Variants in ATP1A1 observed in about 807,000 individuals in gnomAD.
ATP1A1 encodes sodium/potassium-transporting ATPase subunit alpha-1.
Under a neutral mutation model 114.8 loss-of-function variants are expected in ATP1A1, and 14 were observed. The observed-to-expected ratio is 0.12, with a 90% CI of 0.08 to 0.19. The LOEUF (loss-of-function observed/expected upper bound fraction) is 0.19. ATP1A1 is among the 10% of genes least tolerant of loss of function. The pLI, the probability that ATP1A1 is intolerant of heterozygous loss-of-function variation, is 1.00. For synonymous variants in ATP1A1, 471 were observed against 466.3 expected, an observed-to-expected ratio of 1.01 and a Z score of -0.13; for missense variants, 524 against 1,290.7, an observed-to-expected ratio of 0.41 and a Z score of 9.10.
At chr1:116,386,781 A>G (rs1652126087) in intron 3 of ATP1A1, among the ~76,000 whole-genome samples, 1 of 152,206 alleles carries the variant, frequency 6.6e-6, no homozygotes, top group Non-Finnish European at 1.5e-5. Context: ...CAGACAAGCA[A>G]AGAATCAAGC....
In ATP1A1 at chr1:116,384,148, A is replaced by G; in HGVS notation, c.123+24A>G. On this transcript the variant is annotated intron_variant, in intron 2 of 22. Transcript: ENST00000295598. The surrounding 1 kb of genome is among the most constrained non-coding windows in gnomAD (Gnocchi z 5.1). Reference sequence around the variant, plus strand: ...TGGTAAGTACTAGGAGGAATATTGTATTCCATCCTTATTAAAAATCCATGA... The same window carrying G: ...TGGTAAGTACTAGGAGGAATATTGTGTTCCATCCTTATTAAAAATCCATGA... 1.3e-6 allele frequency: 2 copies of G among 1,577,796 alleles called. No individual in the cohort carries two copies. Among genetic ancestry groups the G allele is most frequent in the Non-Finnish European group, 1.7e-6 (2 of 1,148,990 alleles).
intron 9 of ATP1A1, 82 bp downstream of exon 9, chr1:116,390,493 CTTTT>C: frequency 1.1e-6 from 1 of 871,020 alleles, no homozygotes; most frequent in Non-Finnish European, 1.6e-6. Flanking sequence ...CATGAAATTT[CTTTT>C]TTTTTTTTAA....
In ATP1A1 at chr1:116,381,317, C is replaced by T. The variant is rs1036356518; in HGVS notation, c.13-2697C>T. On this transcript the variant is annotated intron_variant, in intron 1 of 22. Coordinates refer to ENST00000295598, the MANE Select transcript of ATP1A1 (RefSeq NM_000701.8). This position sits in a 1 kb window ranked among gnomAD's most constrained non-coding sequence, Gnocchi z 5.1. ...ATCTCACGCAGTGTGCACTCCCTGA[C>T]TCTGAATTTTGCAGCTTTGAGACTG... Among the ~76,000 whole-genome samples, 2 of 152,190 alleles carry T rather than the reference C, an allele frequency of 1.3e-5. No individual in the cohort carries two copies. The highest frequency in any genetic ancestry group is 4.8e-5 in the African/African-American group (2 of 41,440).
In ATP1A1 at chr1:116,385,822, T is replaced by C. The variant is rs1652038944; in HGVS notation, c.183+980T>C. The C allele has an allele frequency of 1.3e-5, 2 of 152,084 alleles. No homozygotes were observed. The highest frequency in any genetic ancestry group is 2.9e-5 in the Non-Finnish European group (2 of 68,022). 9.4% of individuals were successfully genotyped at this position (152,084 alleles called of 1,614,324 possible). On this transcript the variant is annotated intron_variant, in intron 3 of 22. Transcript: ENST00000295598. This position sits in a 1 kb window ranked among gnomAD's most constrained non-coding sequence, Gnocchi z 4.3. ...CAGAAGTCATCTTCTGTGTTGATTG[T>C]TGGGGTGTAAGAGTAGAGAAGAGGC... is the stretch of plus-strand genomic sequence containing the variant.
rs1486330627 is a variant in ATP1A1, at chr1:116,384,530, T to A, written c.124-253T>A. ...ATCCCTGAGAGCTGCTGGGTTTCTCTGAAGTGTTATGGCAAATAGTAATGG... is the reference window on the plus strand; with the variant it reads ...ATCCCTGAGAGCTGCTGGGTTTCTCAGAAGTGTTATGGCAAATAGTAATGG... On this transcript the variant is annotated intron_variant, in intron 2 of 22. Coordinates refer to ENST00000295598, the MANE Select transcript of ATP1A1 (RefSeq NM_000701.8). The surrounding 1 kb of genome is among the most constrained non-coding windows in gnomAD (Gnocchi z 5.1). Among the ~76,000 whole-genome samples, 2 of 152,184 alleles carry A rather than the reference T, an allele frequency of 1.3e-5. No individual in the cohort carries two copies. The highest frequency in any genetic ancestry group is 2.9e-5 in the Non-Finnish European group (2 of 68,020).
Position 116,389,470 on chromosome 1 carries a change from G to C in ATP1A1, c.786G>C (p.Gly262=), listed in dbSNP as rs564117347. Residue 262 remains glycine (G), a synonymous_variant, in exon 8 of 23, where the codon GGG becomes GGC. Coordinates refer to ENST00000295598, the MANE Select transcript of ATP1A1 (RefSeq NM_000701.8). This position sits in a 1 kb window ranked among gnomAD's most constrained non-coding sequence, Gnocchi z 6.9. ...CACGTGGTATTGTTGTCTACACTGG[G>C]GATCGCACTGTGATGGGAAGAATTG... ...GTARGIVVYT[G]DRTVMGRIAT... The C allele has an allele frequency of 6.2e-7, 1 of 1,614,170 alleles. No individual in the cohort carries two copies. Among genetic ancestry groups the C allele is most frequent in the African/African-American group, 1.3e-5 (1 of 75,030 alleles).
intron 1 of ATP1A1, among the ~76,000 whole-genome samples, chr1:116,379,189 G>T (rs1364295123): frequency 2.0e-5 from 3 of 152,202 alleles, no homozygotes; most frequent in Admixed American, 6.5e-5. Flanking sequence ...GGAACCTGCT[G>T]GCTAGAACTG....
intron 10 of ATP1A1, chr1:116,392,290 A>G (rs1026082486): frequency 2.6e-5 from 4 of 152,286 alleles, no homozygotes; most frequent in Non-Finnish European, 5.9e-5. Flanking sequence ...AATAGCTTTC[A>G]GTTCACATCC....
In ATP1A1 at chr1:116,395,364, C is replaced by A. The variant is rs1238542839; in HGVS notation, c.1836+79C>A. 2 of 1,475,170 alleles carry A rather than the reference C, an allele frequency of 1.4e-6. No homozygotes were observed. Among genetic ancestry groups the A allele is most frequent in the South Asian group, 1.3e-5 (1 of 76,796 alleles). 91.4% of individuals were successfully genotyped at this position (1,475,170 alleles called of 1,614,324 possible). ...CTCAGTGAATGTTGCCTTTTGAGGT[C>A]CAGATGGCCAGCTGTTCTATCTCAC... On this transcript the variant is annotated intron_variant, in intron 13 of 22. Coordinates refer to ENST00000295598, the MANE Select transcript of ATP1A1 (RefSeq NM_000701.8). This position sits in a 1 kb window ranked among gnomAD's most constrained non-coding sequence, Gnocchi z 6.4.
At position 116,398,814 on chromosome 1, in the gene ATP1A1, C is replaced by T. The variant is rs1202207407; in HGVS notation, c.2293+25C>T. On this transcript the variant is annotated intron_variant, in intron 16 of 22. Coordinates refer to ENST00000295598, the MANE Select transcript of ATP1A1 (RefSeq NM_000701.8). The surrounding 1 kb of genome is among the most constrained non-coding windows in gnomAD (Gnocchi z 6.1). ...GGTGAGAGCTATTTAAGGTGTACAC[C>T]AAGATCTTATTCAGATACTGCCCAT... The T allele has an allele frequency of 1.9e-6, 3 of 1,612,282 alleles. No homozygotes were observed. The highest frequency in any genetic ancestry group is 2.5e-6 in the Non-Finnish European group (3 of 1,178,608).
intron 1 of ATP1A1, chr1:116,374,270 C>T: frequency 1.3e-6 from 2 of 1,551,728 alleles, no homozygotes; most frequent in Non-Finnish European, 1.7e-6. Context: ...TCTTGGGCCA[C>T]TTTCCGTAAA....
chr1:116,375,012 C>T (rs936014520), intron 1 of ATP1A1, among the ~76,000 whole-genome samples: 2 of 152,224 alleles, frequency 1.3e-5, no homozygotes, highest in Non-Finnish European at 2.9e-5. Context: ...TACAGGGCCT[C>T]TCCATTCCCC....
At chr1:116,379,694 A>G (rs575138214) in intron 1 of ATP1A1, among the ~76,000 whole-genome samples, 17 of 152,354 alleles carry the variant, frequency 1.1e-4, no homozygotes, top group South Asian at 2.1e-4. Flanking sequence ...GCAGTAATGT[A>G]TATGTTAATT....
chr1:116,384,187 A>G lies in ATP1A1; in HGVS notation c.123+63A>G. ...AAAAATCCATGATTTTTAATCCCCC[A>G]GGCCTCACTGTATTCTTCAAAGAAC... On this transcript the variant is annotated intron_variant, in intron 2 of 22. Coordinates refer to ENST00000295598, the MANE Select transcript of ATP1A1 (RefSeq NM_000701.8). This position sits in a 1 kb window ranked among gnomAD's most constrained non-coding sequence, Gnocchi z 5.1. 2 of 1,355,158 alleles carry G rather than the reference A, an allele frequency of 1.5e-6. No individual in the cohort carries two copies. The highest frequency in any genetic ancestry group is 2.1e-6 in the Non-Finnish European group (2 of 961,406). The allele number at this position is 1,355,158 out of a possible 1,614,324, so 83.9% of individuals were successfully genotyped here.
intron 1 of ATP1A1, among the ~76,000 whole-genome samples, chr1:116,375,446 C>T (rs1174850921): frequency 6.6e-6 from 1 of 152,222 alleles, no homozygotes; most frequent in Non-Finnish European, 1.5e-5. Flanking sequence ...TTTATAACCA[C>T]ACACAGGCAC....
chr1:116,386,344 C>T (rs561099608), intron 3 of ATP1A1, among the ~76,000 whole-genome samples: 98 of 152,028 alleles, frequency 6.4e-4, no homozygotes, highest in African/African-American at 2.0e-3. Context: ...GTGCTCTCTC[C>T]GACCTATGCC....
In ATP1A1 at chr1:116,389,895, G is replaced by C; in HGVS notation, c.1023+188G>C. ...AACCTCAGCATTTGTTTATACGTAA[G>C]ATAACCCCAAAGCATACATTTTGCT... is the stretch of plus-strand genomic sequence containing the variant. On this transcript the variant is annotated intron_variant, in intron 8 of 22. Coordinates refer to ENST00000295598, the MANE Select transcript of ATP1A1 (RefSeq NM_000701.8). This position sits in a 1 kb window ranked among gnomAD's most constrained non-coding sequence, Gnocchi z 6.9. The C allele has an allele frequency of 6.6e-6, 6 of 904,562 alleles. No individual in the cohort carries two copies. The highest frequency in any genetic ancestry group is 9.8e-6 in the Non-Finnish European group (6 of 612,776). 56.0% of individuals were successfully genotyped at this position (904,562 alleles called of 1,614,324 possible). A position where few individuals can be genotyped will look rare whatever the true frequency, so the allele number is the denominator to read the frequency against.
chr1:116,376,935 G>C (rs1201977452), intron 1 of ATP1A1, among the ~76,000 whole-genome samples: 2 of 152,164 alleles, frequency 1.3e-5, no homozygotes, highest in Non-Finnish European at 2.9e-5. Context: ...TAGCACAATA[G>C]GCTTGGCACT....
chr1:116,397,322 A>G lies in ATP1A1; in HGVS notation c.1974-566A>G, dbSNP rs928553682. Among the ~76,000 whole-genome samples the G allele has an allele frequency of 6.6e-6, 1 of 151,968 alleles. No individual in the cohort carries two copies. The highest frequency in any genetic ancestry group is 2.4e-5 in the African/African-American group (1 of 41,384). ...CTCTGCCACTTTCTAAAACTTGGTT[A>G]TATTTCTTTTTTTCTTTGATGGAGT... On this transcript the variant is annotated intron_variant, in intron 14 of 22. Transcript: ENST00000295598. The surrounding 1 kb of genome is among the most constrained non-coding windows in gnomAD (Gnocchi z 4.2).
Sources: gnomAD v4.1 joint callset for allele counts (sites outside exome capture counted in the v4.1 genomes callset) on GRCh38, gnomAD v4.1.1 for gene constraint, Gnocchi (gnomAD v3.1) non-coding constraint, MANE v1.5 for transcripts, NCBI Gene and HGNC (gene_info 2026-07-23, HGNC 2026-07-21) for gene names.